NOTCH2: variants seen among roughly 807,000 people sequenced by gnomAD.
The protein encoded by NOTCH2 is neurogenic locus notch homolog protein 2.
Under a neutral mutation model 235.8 loss-of-function variants are expected in NOTCH2, and 29 were observed. The observed-to-expected ratio is 0.12, with a 90% CI of 0.09 to 0.17. The LOEUF (loss-of-function observed/expected upper bound fraction) is 0.17. NOTCH2 is among the 10% of genes least tolerant of loss of function. The pLI, the probability that NOTCH2 is intolerant of heterozygous loss-of-function variation, is 1.00. For missense variants in NOTCH2, 2,285 were observed against 3,150.2 expected, an observed-to-expected ratio of 0.73 and a Z score of 6.57; for synonymous variants, 1,086 against 1,141.5, an observed-to-expected ratio of 0.95 and a Z score of 0.98.
chr1:120,065,622 G>GC (rs1329800183), intron 1 of NOTCH2, among the ~76,000 whole-genome samples: 1 of 152,092 alleles, frequency 6.6e-6, no homozygotes, highest in Non-Finnish European at 1.5e-5. Flanking sequence ...CTCCTACAAG[G>GC]TCACCAAACC....
At chr1:119,971,294 C>T (rs587599957) in intron 5 of NOTCH2, among the ~76,000 whole-genome samples, 2 of 152,216 alleles carry the variant, frequency 1.3e-5, no homozygotes, top group Non-Finnish European at 2.9e-5. Context: ...ACTCCGTGCT[C>T]GGCATAACCC....
intron 11 of NOTCH2, among the ~76,000 whole-genome samples, chr1:119,962,390 G>A (rs587757259): frequency 9.2e-5 from 14 of 152,162 alleles, no homozygotes; most frequent in East Asian, 1.9e-4. Context: ...GGAACAGCCC[G>A]GAAGCAAATT....
intron 4 of NOTCH2, among the ~76,000 whole-genome samples, chr1:119,987,790 C>T (rs1241688293): frequency 6.6e-6 from 1 of 152,164 alleles, no homozygotes; most frequent in African/African-American, 2.4e-5. Context: ...TTATTACTAA[C>T]TAAGCTTACC....
chr1:119,920,342 C>G lies in NOTCH2; in HGVS notation c.5366G>C (p.Trp1789Ser), dbSNP rs767625400. The G allele has an allele frequency of 6.2e-7, 1 of 1,614,186 alleles. No homozygotes were observed. The highest frequency in any genetic ancestry group is 8.5e-7 in the Non-Finnish European group (1 of 1,180,032). Residue 1789 changes from tryptophan (W) to serine (S), a missense_variant, in exon 30 of 34, where the codon TGG becomes TCG. By Grantham distance (177) the Trp-to-Ser change is radical. This residue lies in a region of NOTCH2 where 1,173 missense variants were observed against 1,515.3 expected (regional missense o/e 0.77). Transcript: ENST00000256646. ...TGCAGCTTCAAGGTGCTGCTGTGTC[C>G]ATGGCCGTCGATCAATGGGGTCATC... ...EEDDPIDRRP[W>S]TQQHLEAADI...
chr1:119,919,246 A>T, intron 31 of NOTCH2, 66 bp downstream of exon 31: 1 of 1,474,802 alleles, frequency 6.8e-7, no homozygotes, highest in Non-Finnish European at 9.4e-7. Context: ...TTAATTCTTT[A>T]AAAACGATAA....
chr1:119,998,470 TAGGAA>T (rs1411285233), intron 3 of NOTCH2, among the ~76,000 whole-genome samples: 4 of 152,216 alleles, frequency 2.6e-5, no homozygotes, highest in Admixed American at 2.6e-4. Flanking sequence ...CTTTCTCAAG[TAGGAA>T]AGTACCAGCA....
In NOTCH2 at chr1:119,915,799, TG is replaced by T; in HGVS notation, c.6922del (p.Gln2308SerfsTer50). On this transcript the variant is annotated frameshift_variant, in exon 34 of 34. Transcript: ENST00000256646. LOFTEE classifies it high-confidence loss of function. The stretch of plus-strand genomic sequence containing the variant: ...GGCAATACTGCCTTTAGGGATGAGC[TG>T]GAAAGTCACAATGGGGGGCAAGGGC... ...REPLPPIVTFQLIPKGSIAQP... is the reference protein window; with the variant it reads ...REPLPPIVTFXLIPKGSIAQP... 1 of 1,612,788 alleles carries T rather than the reference TG, an allele frequency of 6.2e-7. No individual in the cohort carries two copies. The highest frequency in any genetic ancestry group is 8.5e-7 in the Non-Finnish European group (1 of 1,179,046).
At chr1:119,978,705 G>A (rs1304310937) in intron 5 of NOTCH2, among the ~76,000 whole-genome samples, 3 of 152,080 alleles carry the variant, frequency 2.0e-5, no homozygotes, top group Non-Finnish European at 4.4e-5. Context: ...TCTCCTGCTA[G>A]GAGGCCCCAC....
At chr1:120,004,975 A>T (rs1553206034) in intron 3 of NOTCH2, among the ~76,000 whole-genome samples, 1 of 152,096 alleles carries the variant, frequency 6.6e-6, no homozygotes, top group African/African-American at 2.4e-5. Context: ...TTTTGTAGAG[A>T]TGGGGTCTTG....
intron 17 of NOTCH2, among the ~76,000 whole-genome samples, chr1:119,944,067 A>G (rs1650166177): frequency 6.6e-6 from 1 of 152,196 alleles, no homozygotes; most frequent in African/African-American, 2.4e-5. Flanking sequence ...ACACTGAAAA[A>G]TAAATAAATC....
rs1553197674 is a variant in NOTCH2, at chr1:119,950,674, A to G, written c.2479+50T>C. ...GGCACTGAGACTCAGGCACTGACAAAGCAAGGTCAAGTATCCCCTCTGGTC... is the reference window on the plus strand; with the variant it reads ...GGCACTGAGACTCAGGCACTGACAAGGCAAGGTCAAGTATCCCCTCTGGTC... On this transcript the variant is annotated intron_variant, in intron 15 of 33. Coordinates refer to ENST00000256646, the MANE Select transcript of NOTCH2 (RefSeq NM_024408.4). 4.1e-6 allele frequency: 5 copies of G among 1,205,814 alleles called. No homozygotes were observed. The South Asian group carries it at 6.0e-5, about 15-fold the overall frequency. 74.7% of individuals were successfully genotyped at this position (1,205,814 alleles called of 1,614,324 possible).
chr1:119,983,038 A>G (rs1651871356), intron 5 of NOTCH2, among the ~76,000 whole-genome samples: 1 of 152,230 alleles, frequency 6.6e-6, no homozygotes, highest in Non-Finnish European at 1.5e-5. Flanking sequence ...TATAATTTCA[A>G]ATTTTCCAGT....
At chr1:120,015,226 C>T (rs587759455) in intron 2 of NOTCH2, among the ~76,000 whole-genome samples, 1 of 152,206 alleles carries the variant, frequency 6.6e-6, no homozygotes, top group Admixed American at 6.5e-5. Flanking sequence ...CTCCTCTTTA[C>T]TCCCTCTGGG....
intron 16 of NOTCH2, among the ~76,000 whole-genome samples, chr1:119,948,804 C>T (rs587699273): frequency 1.3e-5 from 2 of 152,186 alleles, no homozygotes; most frequent in South Asian, 2.1e-4. Context: ...GCCTTCCAGC[C>T]GCTAGGGGGC....
At chr1:119,988,073 C>T (rs782750983) in intron 4 of NOTCH2, among the ~76,000 whole-genome samples, 1 of 152,204 alleles carries the variant, frequency 6.6e-6, no homozygotes, top group Admixed American at 6.5e-5. Context: ...CTCGAAATAT[C>T]CCTTAAGGTT....
At chr1:120,002,507 A>C (rs1217062782) in intron 3 of NOTCH2, among the ~76,000 whole-genome samples, 2 of 151,364 alleles carry the variant, frequency 1.3e-5, no homozygotes, top group African/African-American at 2.4e-5. Context: ...TGGATGAATG[A>C]AGGTTTGGGC....
At chr1:119,980,359 G>A (rs1237221638) in intron 5 of NOTCH2, among the ~76,000 whole-genome samples, 57 of 152,072 alleles carry the variant, frequency 3.7e-4, no homozygotes, top group Non-Finnish European at 2.9e-5. Context: ...ATTAGCCAAC[G>A]CCCTTTGAGC....
In NOTCH2 at chr1:119,913,614, T is replaced by A. The variant is rs1257903399; in HGVS notation, c.*1692A>T. 2.1e-5 allele frequency: 5 copies of A among 233,142 alleles called. No homozygotes were observed. The highest frequency in any genetic ancestry group is 3.4e-5 in the Non-Finnish European group (4 of 118,064). 14.4% of individuals were successfully genotyped at this position (233,142 alleles called of 1,614,324 possible). A position where few individuals can be genotyped will look rare whatever the true frequency, so the allele number is the denominator to read the frequency against. On this transcript the variant is annotated 3_prime_UTR_variant, in exon 34 of 34. Coordinates refer to ENST00000256646, the MANE Select transcript of NOTCH2 (RefSeq NM_024408.4). ...TTTATCTACAATTAACTAAAATGCT[T>A]CTGCCCTTAAAAGAAAGTCAAAGAA...
In NOTCH2 at chr1:119,927,843, G is replaced by A. The variant is rs1649526717; in HGVS notation, c.3892+1133C>T. ...TTTTTGATGTTAGTGTATCCAGGGAGCTTCCATATTGCAGAATCCCTCCCA... is the reference window on the plus strand; with the variant it reads ...TTTTTGATGTTAGTGTATCCAGGGAACTTCCATATTGCAGAATCCCTCCCA... On this transcript the variant is annotated intron_variant, in intron 23 of 33. Transcript: ENST00000256646. 2.0e-5 allele frequency among the ~76,000 whole-genome samples: 3 copies of A among 152,296 alleles called. No homozygotes were observed. In the South Asian group the frequency reaches 6.2e-4, roughly 32 times the overall value.
Sources: gnomAD v4.1 joint callset for allele counts (sites outside exome capture counted in the v4.1 genomes callset) on GRCh38, gnomAD v4.1.1 for gene constraint, gnomAD v4.1.1 regional missense constraint, MANE v1.5 for transcripts, NCBI Gene and HGNC (gene_info 2026-07-23, HGNC 2026-07-21) for gene names.